Variants in ZNF81 observed in about 807,000 individuals in gnomAD.
The protein encoded by ZNF81 is zinc finger protein 81.
In ZNF81, 5 loss-of-function variants were observed where a neutral mutation model predicts 32.3. The ratio of observed to expected loss-of-function variants is 0.15; its 90% CI spans 0.08 to 0.33. The LOEUF (loss-of-function observed/expected upper bound fraction) is 0.33. Among genes scored for constraint, ZNF81 ranks in the 10% least tolerant of loss-of-function variants. The probability of loss-of-function intolerance (pLI) is 1.00; values close to 1 mark genes in which losing one functional copy is unlikely to be tolerated. For synonymous variants in ZNF81, 163 were observed against 166.8 expected (o/e 0.98, Z 0.17); for missense variants, 379 against 479.8 (o/e 0.79, Z 1.96).
chrX:47,913,385 G>T (rs1353459322), intron 4 of ZNF81, among the ~76,000 whole-genome samples: 3 of 110,751 alleles, frequency 2.7e-5, no homozygotes, highest in African/African-American at 9.9e-5. Flanking sequence ...GCTTGGTGGG[G>T]TATGGTCCCC....
At chrX:47,882,680 G>A (rs1569384181) in intron 2 of ZNF81, among the ~76,000 whole-genome samples, 1 of 112,992 alleles carries the variant, frequency 8.9e-6, no homozygotes. Flanking sequence ...GTAGGTATAT[G>A]TTTAACTTTA....
chrX:47,919,054 C>A lies in ZNF81; in HGVS notation c.*2422C>A. ...CCAAGGAACCTCAGCCACACCTGAA[C>A]CTGATACAGAAGACTTGAGATTCTG... On this transcript the variant is annotated 3_prime_UTR_variant, in exon 5 of 5. Transcript: ENST00000338637. 1 of 306,173 alleles carries A rather than the reference C, an allele frequency of 3.3e-6. No individual in the cohort carries two copies. The highest frequency in any genetic ancestry group is 6.4e-6 in the Non-Finnish European group (1 of 156,840). 25.2% of individuals were successfully genotyped at this position (306,173 alleles called of 1,213,427 possible).
chrX:47,883,651 T>C (rs782640925), intron 2 of ZNF81, among the ~76,000 whole-genome samples: 8 of 112,443 alleles, frequency 7.1e-5, no homozygotes, highest in Non-Finnish European at 1.3e-4. Flanking sequence ...GTTTATTTGG[T>C]CCTTCATTTT....
rs1240388148 is a variant in ZNF81, at chrX:47,884,820, TAGC to T, written c.55-3176_55-3174del. ...AATAAAATTTTAGAGCAAACTATATTAGCAGAAATACTACCACTTTGGACTGAA... is the reference window on the plus strand; with the variant it reads ...AATAAAATTTTAGAGCAAACTATATTAGAAATACTACCACTTTGGACTGAA... On this transcript the variant is annotated intron_variant, in intron 2 of 4. Coordinates refer to ENST00000338637, the MANE Select transcript of ZNF81 (RefSeq NM_007137.5). Among the ~76,000 whole-genome samples, 4 of 111,982 alleles carry T rather than the reference TAGC, an allele frequency of 3.6e-5. No individual in the cohort carries two copies. The East Asian group carries it at 1.1e-3, about 31-fold the overall frequency.
chrX:47,841,923 G>T (rs2058451270), intron 1 of ZNF81, among the ~76,000 whole-genome samples: 1 of 110,913 alleles, frequency 9.0e-6, no homozygotes, highest in Non-Finnish European at 1.9e-5. Flanking sequence ...ATTGATTTAA[G>T]ACCTTTCCTC....
chrX:47,861,624 C>T (rs1260825101), intron 2 of ZNF81, among the ~76,000 whole-genome samples: 2 of 111,883 alleles, frequency 1.8e-5, no homozygotes, highest in Non-Finnish European at 3.8e-5. Context: ...GGGCCAATAC[C>T]AGCAACACCG....
At chrX:47,911,710 T>G (rs2058739942) in intron 4 of ZNF81, among the ~76,000 whole-genome samples, 1 of 111,782 alleles carries the variant, frequency 8.9e-6, no homozygotes, top group South Asian at 3.7e-4. Context: ...ATTGTGTTTC[T>G]GTTATAATTA....
intron 4 of ZNF81, among the ~76,000 whole-genome samples, chrX:47,898,296 A>C (rs1377136161): frequency 9.0e-6 from 1 of 111,221 alleles, no homozygotes; most frequent in Non-Finnish European, 1.9e-5. Context: ...GCTGCTTTGC[A>C]TATGAAAGGC....
intron 1 of ZNF81, among the ~76,000 whole-genome samples, chrX:47,839,535 G>A (rs2058438282): frequency 8.9e-6 from 1 of 111,933 alleles, no homozygotes; most frequent in Admixed American, 9.4e-5. Flanking sequence ...TTCAGGCTAT[G>A]TTATAAGGTA....
chrX:47,882,047 AAT>A (rs2058623021), intron 2 of ZNF81, among the ~76,000 whole-genome samples: 2 of 111,914 alleles, frequency 1.8e-5, no homozygotes, highest in Admixed American at 1.9e-4. Context: ...TATAGGCATG[AAT>A]ATGTTTCTAA....
intron 3 of ZNF81, among the ~76,000 whole-genome samples, chrX:47,889,357 G>A (rs191034863): frequency 1.8e-5 from 2 of 112,271 alleles, no homozygotes; most frequent in East Asian, 2.8e-4. Context: ...AAGCTATTTC[G>A]ACTGTGAACA....
intron 3 of ZNF81, among the ~76,000 whole-genome samples, chrX:47,893,693 C>T (rs1200998950): frequency 2.7e-5 from 3 of 109,232 alleles, no homozygotes; most frequent in Non-Finnish European, 5.7e-5. Context: ...TTTAACCTAC[C>T]TTCTAGCATG....
intron 2 of ZNF81, among the ~76,000 whole-genome samples, chrX:47,871,638 T>C (rs1012265769): frequency 8.9e-6 from 1 of 112,095 alleles, no homozygotes; most frequent in Non-Finnish European, 1.9e-5. Flanking sequence ...AGATTGCATC[T>C]TCCAAGCACA....
chrX:47,892,206 T>C (rs999907085), intron 3 of ZNF81, among the ~76,000 whole-genome samples: 8 of 111,804 alleles, frequency 7.2e-5, no homozygotes, highest in African/African-American at 2.3e-4. Context: ...CTGCTGTCCA[T>C]TGTGGTAGCC....
intron 2 of ZNF81, among the ~76,000 whole-genome samples, chrX:47,874,373 A>G (rs1165263937): frequency 2.7e-5 from 3 of 112,128 alleles, no homozygotes; most frequent in African/African-American, 9.7e-5. Context: ...CCAATCCCTA[A>G]CATGCCTGTT....
At chrX:47,850,359 AAAAAAAG>A (rs1210761672) in intron 2 of ZNF81, among the ~76,000 whole-genome samples, 2 of 109,977 alleles carry the variant, frequency 1.8e-5, no homozygotes, top group Admixed American at 9.7e-5. Flanking sequence ...AAAAAAAAAA[AAAAAAAG>A]AAAGAAAAAT....
chrX:47,877,443 G>A (rs1231908400), intron 2 of ZNF81, among the ~76,000 whole-genome samples: 2 of 112,060 alleles, frequency 1.8e-5, no homozygotes, highest in Non-Finnish European at 3.8e-5. Context: ...AGAACGCGGT[G>A]CCATGCCAGT....
At chrX:47,887,071 GAA>G (rs2058644565) in intron 2 of ZNF81, among the ~76,000 whole-genome samples, 1 of 111,201 alleles carries the variant, frequency 9.0e-6, no homozygotes, top group Non-Finnish European at 1.9e-5. Flanking sequence ...ACAATTTGTT[GAA>G]AAGACTTCAC....
intron 4 of ZNF81, among the ~76,000 whole-genome samples, chrX:47,904,710 T>C (rs2058713827): frequency 8.9e-6 from 1 of 112,057 alleles, no homozygotes; most frequent in African/African-American, 3.3e-5. Flanking sequence ...ATCCCATTAC[T>C]GGGTATATAC....
Sources: allele counts gnomAD v4.1 joint callset (sites outside exome capture counted in the v4.1 genomes callset), GRCh38; gene constraint gnomAD v4.1.1; transcripts MANE v1.5; gene names NCBI Gene and HGNC (gene_info 2026-07-23, HGNC 2026-07-21).